The following DDX42 variants were observed in gnomAD, a reference collection of about 807,000 sequenced individuals.
The protein encoded by DDX42 is DEAD-box helicase 42.
In DDX42, 22 loss-of-function variants were observed where a neutral mutation model predicts 101.5. The ratio of observed to expected loss-of-function variants is 0.22; its 90% confidence interval spans 0.15 to 0.31. The LOEUF (loss-of-function observed/expected upper bound fraction) is 0.31, where lower values mean the gene tolerates loss of function less well. Ranked by LOEUF, DDX42 falls within the 10% of genes least tolerant of loss-of-function variation. The pLI is 1.00. For synonymous variants in DDX42, 402 were observed against 401.2 expected (o/e 1.00, Z -0.02); for missense variants, 849 against 1,199.9 (o/e 0.71, Z 4.32).
At chr17:63,802,159 C>T (rs1297851965) in intron 6 of DDX42, among the ~76,000 whole-genome samples, 1 of 152,172 alleles carries the variant, frequency 6.6e-6, no homozygotes, top group Non-Finnish European at 1.5e-5. Context: ...TAGGCGTATT[C>T]TCTGTTCTCA....
At chr17:63,782,462 C>G (rs1298426014) in intron 1 of DDX42, among the ~76,000 whole-genome samples, 1 of 152,096 alleles carries the variant, frequency 6.6e-6, no homozygotes, top group Non-Finnish European at 1.5e-5. Flanking sequence ...AGATACTGAA[C>G]TCACCTTTTG....
intron 14 of DDX42, 128 bp downstream of exon 14, chr17:63,812,336 C>A: frequency 8.5e-7 from 1 of 1,182,806 alleles, no homozygotes. Context: ...CATCCCCTCC[C>A]AAACCCCCAA....
At chr17:63,795,641 AT>A (rs2039684422) in intron 3 of DDX42, among the ~76,000 whole-genome samples, 1 of 152,100 alleles carries the variant, frequency 6.6e-6, no homozygotes, top group Admixed American at 6.6e-5. Flanking sequence ...CTGTATTGTA[AT>A]TTTTCTTAGG....
chr17:63,811,295 C>A, intron 13 of DDX42, 122 bp downstream of exon 13: 4 of 726,294 alleles, frequency 5.5e-6, no homozygotes, highest in Non-Finnish European at 6.3e-6. Flanking sequence ...ATGCAACATG[C>A]TTGAGATTGG....
intron 15 of DDX42, among the ~76,000 whole-genome samples, chr17:63,814,262 CT>C (rs2039948363): frequency 6.6e-6 from 1 of 152,196 alleles, no homozygotes; most frequent in African/African-American, 2.4e-5. Context: ...CAAATCAAAC[CT>C]GGAGTCATCT....
In DDX42 at chr17:63,808,374, A is replaced by C. The variant is rs575232632; in HGVS notation, c.1024-446A>C. On this transcript the variant is annotated intron_variant, in intron 9 of 17. Coordinates refer to ENST00000389924, the MANE Select transcript of DDX42 (RefSeq NM_203499.3). ...TTTTTAGTAGAGACGGGGTTTCACC[A>C]TGTTGGCCAGGCTGGTCTCAAACTC... 7.2e-5 allele frequency among the ~76,000 whole-genome samples: 11 copies of C among 152,020 alleles called. 1 individual carries two copies. The highest frequency in any genetic ancestry group is 1.6e-4 in the Non-Finnish European group (11 of 68,006).
rs745785215 is a variant in DDX42, at chr17:63,816,826, C to T, written c.2014-42C>T. 1.9e-5 allele frequency: 29 copies of T among 1,553,648 alleles called. No homozygotes were observed. The East Asian group carries it at 6.2e-4, about 33-fold the overall frequency. On this transcript the variant is annotated intron_variant, in intron 16 of 17. Transcript: ENST00000389924. ...GCCTAGTCTATAGCAGTGAGCTTTC[C>T]TGCTTATTTTTTCATTCTCATAGAT...
At chr17:63,792,658 C>A in intron 3 of DDX42, 96 bp downstream of exon 3, 7 of 1,326,676 alleles carry the variant, frequency 5.3e-6, no homozygotes, top group Non-Finnish European at 7.0e-6. Flanking sequence ...GTTTTCTAGT[C>A]TTATTATTTT....
chr17:63,811,323 G>A, intron 13 of DDX42, 150 bp downstream of exon 13: 1 of 585,784 alleles, frequency 1.7e-6, no homozygotes, highest in Non-Finnish European at 2.8e-6. Context: ...GCAAGTTGTG[G>A]GGATAGACGT....
At chr17:63,814,667 G>A (rs577776267) in intron 15 of DDX42, among the ~76,000 whole-genome samples, 52 of 139,446 alleles carry the variant, frequency 3.7e-4, no homozygotes, top group Non-Finnish European at 7.4e-4. Flanking sequence ...CCTTCCCAGA[G>A]ACATTTGCTT....
intron 4 of DDX42, 137 bp downstream of exon 4, chr17:63,798,236 G>C (rs2039717790): frequency 1.4e-6 from 1 of 713,256 alleles, no homozygotes; most frequent in African/African-American, 1.8e-5. Context: ...CCTGTATCTT[G>C]AATACTTTAA....
At chr17:63,806,322 A>C in intron 7 of DDX42, 1 of 370,146 alleles carries the variant, frequency 2.7e-6, no homozygotes, top group Admixed American at 4.6e-5. Context: ...TATGACAATT[A>C]TCTTGGGAAT....
intron 1 of DDX42, among the ~76,000 whole-genome samples, chr17:63,783,859 A>C (rs2665841): frequency 6.6e-6 from 1 of 151,868 alleles, no homozygotes; most frequent in Non-Finnish European, 1.5e-5. Context: ...GGTCGGGAGT[A>C]CAAGACCAGC....
intron 6 of DDX42, among the ~76,000 whole-genome samples, chr17:63,803,067 A>C (rs1424355485): frequency 6.6e-6 from 1 of 152,248 alleles, no homozygotes; most frequent in Non-Finnish European, 1.5e-5. Flanking sequence ...GAAATGTGTT[A>C]ACATTTGGAT....
At chr17:63,813,119 G>C (rs920798167) in intron 14 of DDX42, 109 bp from the exon 15 acceptor site, 1 of 1,000,256 alleles carries the variant, frequency 1.0e-6, no homozygotes, top group African/African-American at 1.6e-5. Flanking sequence ...AAACCCATGC[G>C]CTTTGCCTAG....
chr17:63,815,621 G>A lies in DDX42; in HGVS notation c.1961G>A (p.Gly654Asp), dbSNP rs998979475. 1 of 1,614,032 alleles carries A rather than the reference G, an allele frequency of 6.2e-7. No homozygotes were observed. Among genetic ancestry groups the A allele is most frequent in the Non-Finnish European group, 8.5e-7 (1 of 1,179,958 alleles). Residue 654 changes from glycine to aspartate, a missense_variant, in exon 16 of 18, where the codon GGT becomes GAT. Transcript: ENST00000389924. Reference sequence around the variant, plus strand: ...GGGAAAGGAAAAAAGCTGAACATTGGTGGAGGAGGCCTAGGCTACAGGGAG... The same window carrying A: ...GGGAAAGGAAAAAAGCTGAACATTGATGGAGGAGGCCTAGGCTACAGGGAG... ...KGGKGKKLNI[G>D]GGGLGYRERP...
chr17:63,814,125 C>A (rs543662540), intron 15 of DDX42, among the ~76,000 whole-genome samples: 1 of 152,142 alleles, frequency 6.6e-6, no homozygotes, highest in Non-Finnish European at 1.5e-5. Flanking sequence ...GGATTACAGG[C>A]GTGAGCCACC....
intron 15 of DDX42, among the ~76,000 whole-genome samples, 178 bp downstream of exon 15, chr17:63,813,632 T>G (rs186242835): frequency 6.0e-4 from 92 of 152,326 alleles, no homozygotes; most frequent in South Asian, 1.4e-3. Context: ...TTATCTGGTC[T>G]TCTTCTTTCA....
In DDX42 at chr17:63,817,754, G is replaced by C. The variant is rs1302731234; in HGVS notation, c.2173G>C (p.Ala725Pro). The C allele has an allele frequency of 6.2e-7, 1 of 1,614,228 alleles. No individual in the cohort carries two copies. Among genetic ancestry groups the C allele is most frequent in the Admixed American group, 1.7e-5 (1 of 60,030 alleles). ...SLSNQKAGSS[A>P]AGASGWTSAG... ...AAGTAATCAGAAGGCTGGAAGTTCTGCTGCTGGGGCAAGTGGGTGGACTAG... is the reference window on the plus strand; with the variant it reads ...AAGTAATCAGAAGGCTGGAAGTTCTCCTGCTGGGGCAAGTGGGTGGACTAG... The change falls in exon 18 of 18, where the codon GCT becomes CCT. Residue 725 changes from alanine to proline, a missense_variant. Coordinates refer to ENST00000389924, the MANE Select transcript of DDX42 (RefSeq NM_203499.3).
Sources: gnomAD v4.1 joint callset for allele counts (sites outside exome capture counted in the v4.1 genomes callset) on GRCh38, gnomAD v4.1.1 for gene constraint, MANE v1.5 for transcripts, NCBI Gene and HGNC (gene_info 2026-07-23, HGNC 2026-07-21) for gene names.